The following FAAH2 variants were observed in gnomAD, a reference collection of about 807,000 sequenced individuals.
FAAH2 encodes fatty-acid amide hydrolase 2.
FAAH2 carries 60 observed loss-of-function variants against 36.9 expected under a neutral mutation model. That is an observed-to-expected ratio of 1.63 (90% CI 1.32 to 2.02). The LOEUF is 2.02. FAAH2 is among the 30% of genes most tolerant of loss of function. FAAH2 has a pLI of 0.00. For missense variants in FAAH2, 689 were observed against 397.5 expected (o/e 1.73, Z -6.23); for synonymous variants, 214 against 143.8 (o/e 1.49, Z -3.49).
the FAAH2 span, among the ~76,000 whole-genome samples, chrX:57,269,263 C>A: frequency 2.0e-3 from 226 of 111,254 alleles, no homozygotes; most frequent in Non-Finnish European, 2.0e-3. Context: ...TAGACTACCA[C>A]ACAATAATAG....
At chrX:57,285,060 T>G (rs1400622269), upstream of FAAH2, among the ~76,000 whole-genome samples, 1 of 112,470 alleles carries the variant, frequency 8.9e-6, no homozygotes, top group Non-Finnish European at 1.9e-5. Context: ...GTAAGGAAGT[T>G]TCACTCAGCT....
Position 57,479,779 on chromosome X carries a change from G to T in FAAH2, c.1424-8978G>T, listed in dbSNP as rs1003606197. ...TTTGTCTTGGTTCTGTTTATTTATT[G>T]ATTTTCGTATACTGAACCAGCCTTG... On this transcript the variant is annotated intron_variant, in intron 10 of 10. Coordinates refer to ENST00000374900, the MANE Select transcript of FAAH2 (RefSeq NM_174912.4). Among the ~76,000 whole-genome samples, 15 of 111,453 alleles carry T rather than the reference G, an allele frequency of 1.3e-4. No individual in the cohort carries two copies. The East Asian group carries it at 3.9e-3, about 29-fold the overall frequency.
At chrX:57,458,709 C>A (rs1428334225) in intron 10 of FAAH2, among the ~76,000 whole-genome samples, 1 of 111,532 alleles carries the variant, frequency 9.0e-6, no homozygotes, top group Non-Finnish European at 1.9e-5. Flanking sequence ...TTGGGCATTG[C>A]CTTACCCGGG....
At chrX:57,380,640 G>A (rs374735147) in intron 6 of FAAH2, among the ~76,000 whole-genome samples, 1 of 111,498 alleles carries the variant, frequency 9.0e-6, no homozygotes, top group African/African-American at 3.3e-5. Context: ...TTCTAGTTCA[G>A]GCTATAATCA....
chrX:57,264,930 G>T, the FAAH2 span, among the ~76,000 whole-genome samples: 4 of 111,812 alleles, frequency 3.6e-5, no homozygotes, highest in Non-Finnish European at 7.5e-5. Context: ...AAATATTCAG[G>T]TACTCGCATT....
At chrX:57,292,206 C>T (rs1056927730) in intron 1 of FAAH2, among the ~76,000 whole-genome samples, 1 of 111,279 alleles carries the variant, frequency 9.0e-6, no homozygotes, top group African/African-American at 3.3e-5. Flanking sequence ...AGTATATATA[C>T]ATAATATCTC....
At chrX:57,148,809 G>A in the FAAH2 span, among the ~76,000 whole-genome samples, 1 of 111,534 alleles carries the variant, frequency 9.0e-6, no homozygotes, top group African/African-American at 3.3e-5. Flanking sequence ...GAATAGGAGT[G>A]GTGAGAGAGG....
At chrX:57,262,893 T>C in the FAAH2 span, among the ~76,000 whole-genome samples, 10 of 111,455 alleles carry the variant, frequency 9.0e-5, no homozygotes, top group African/African-American at 3.2e-4. Context: ...AGAAGGAACA[T>C]TTGACAAAAT....
chrX:57,341,144 C>T (rs1195381605), intron 4 of FAAH2, 127 bp from the exon 5 acceptor site: 9 of 584,762 alleles, frequency 1.5e-5, no homozygotes, highest in African/African-American at 4.7e-5. Flanking sequence ...TAAATATATG[C>T]TGTGAACAAA....
intron 7 of FAAH2, among the ~76,000 whole-genome samples, chrX:57,416,467 T>C (rs2055845522): frequency 8.9e-6 from 1 of 111,855 alleles, no homozygotes; most frequent in Admixed American, 9.5e-5. Flanking sequence ...GTAAAGAATT[T>C]TATTTCTCCT....
At chrX:57,268,847 A>G in the FAAH2 span, among the ~76,000 whole-genome samples, 1 of 111,935 alleles carries the variant, frequency 8.9e-6, no homozygotes, top group African/African-American at 3.2e-5. Context: ...CTGCAAAATA[A>G]CCAGCTAACA....
intron 8 of FAAH2, among the ~76,000 whole-genome samples, chrX:57,438,277 A>C (rs200493691): frequency 1.3e-5 from 1 of 77,149 alleles, no homozygotes; most frequent in Non-Finnish European, 2.6e-5. Context: ...ATATAGATAT[A>C]GATATCAGTA....
chrX:57,434,654 C>A (rs781697145), intron 8 of FAAH2, among the ~76,000 whole-genome samples: 1 of 109,979 alleles, frequency 9.1e-6, no homozygotes, highest in Non-Finnish European at 1.9e-5. Context: ...AATAACAATA[C>A]TTACAATTTG....
At chrX:57,303,277 A>AAGAAATAGC (rs1370081750) in intron 2 of FAAH2, among the ~76,000 whole-genome samples, 1 of 111,643 alleles carries the variant, frequency 9.0e-6, no homozygotes, top group Admixed American at 9.5e-5. Context: ...GGACTTGTTG[A>AAGAAATAGC]AGAAATAGCT....
intron 10 of FAAH2, among the ~76,000 whole-genome samples, chrX:57,471,316 G>A (rs1302790346): frequency 1.8e-5 from 2 of 111,971 alleles, no homozygotes; most frequent in Non-Finnish European, 3.8e-5. Flanking sequence ...GTCCCTGTTT[G>A]CAGATGACAA....
At chrX:57,272,323 A>C in the FAAH2 span, among the ~76,000 whole-genome samples, 1 of 111,377 alleles carries the variant, frequency 9.0e-6, no homozygotes, top group Admixed American at 9.6e-5. Flanking sequence ...CCAAGTTGGA[A>C]AACACTCTTC....
chrX:57,257,044 C>A, the FAAH2 span, among the ~76,000 whole-genome samples: 1 of 112,129 alleles, frequency 8.9e-6, no homozygotes, highest in Non-Finnish European at 1.9e-5. Context: ...CAGAAAACAA[C>A]AGATGCTGGA....
chrX:57,274,469 C>A, the FAAH2 span, among the ~76,000 whole-genome samples: 29 of 112,109 alleles, frequency 2.6e-4, no homozygotes, highest in Admixed American at 7.6e-4. Flanking sequence ...AAACTTCAGA[C>A]CAATATTCCT....
chrX:57,295,861 A>G (rs1214579299), intron 2 of FAAH2, among the ~76,000 whole-genome samples: 1 of 112,481 alleles, frequency 8.9e-6, no homozygotes, highest in Admixed American at 9.4e-5. Context: ...ACTCATTGCT[A>G]GGACAGCAGT....
Sources: allele counts gnomAD v4.1 joint callset (sites outside exome capture counted in the v4.1 genomes callset), GRCh38; gene constraint gnomAD v4.1.1; transcripts MANE v1.5; gene names NCBI Gene and HGNC (gene_info 2026-07-23, HGNC 2026-07-21).